The following TDRD3 variants were observed in gnomAD, a reference collection of about 807,000 sequenced individuals.
TDRD3 encodes tudor domain containing 3, also known as tudor domain-containing protein 3.
Under a neutral mutation model 86.7 loss-of-function variants are expected in TDRD3, and 45 were observed. The observed-to-expected ratio is 0.52, with a 90% CI of 0.41 to 0.67. TDRD3 has a LOEUF of 0.67. TDRD3 is among the 30% of genes least tolerant of loss of function. The probability of loss-of-function intolerance (pLI) is 0.00; values close to 1 mark genes in which losing one functional copy is unlikely to be tolerated. For synonymous variants in TDRD3, 298 were observed against 301.7 expected, an observed-to-expected ratio of 0.99 and a Z score of 0.13; for missense variants, 814 against 889.0, an observed-to-expected ratio of 0.92 and a Z score of 1.07.
At chr13:60,494,691 T>A (rs1956677936) in intron 8 of TDRD3, 116 bp downstream of exon 8, 1 of 845,330 alleles carries the variant, frequency 1.2e-6, no homozygotes, top group African/African-American at 1.7e-5. Flanking sequence ...ATGTTATAAC[T>A]CTTGAAGGCT....
At chr13:60,566,450 C>T (rs1958462024) in intron 12 of TDRD3, among the ~76,000 whole-genome samples, 1 of 151,860 alleles carries the variant, frequency 6.6e-6, no homozygotes, top group Non-Finnish European at 1.5e-5. Flanking sequence ...TTCTTATTTA[C>T]TTTTCTATGT....
chr13:60,481,523 T>C (rs1259717485), intron 5 of TDRD3, among the ~76,000 whole-genome samples: 2 of 152,042 alleles, frequency 1.3e-5, no homozygotes, highest in African/African-American at 4.8e-5. Flanking sequence ...TTCTGTCTTA[T>C]TTTATTTACT....
In TDRD3 at chr13:60,528,617, T is replaced by C. The variant is rs1455392518; in HGVS notation, c.1392T>C (p.Ala464=). 1.2e-6 allele frequency: 2 copies of C among 1,613,924 alleles called. No homozygotes were observed. The highest frequency in any genetic ancestry group is 1.7e-6 in the Non-Finnish European group (2 of 1,179,950). The change falls in exon 11 of 14, where the codon GCT becomes GCC. Residue 464 remains alanine, a synonymous_variant. Transcript: ENST00000377881. ...PSTSSVSEVW[A]EDRIKCDRPY... ...CTTCTTCAGTATCTGAAGTATGGGC[T>C]GAAGACAGAATCAAATGTGATAGAC...
chr13:60,471,327 A>G (rs915219813), intron 5 of TDRD3, among the ~76,000 whole-genome samples: 3 of 152,216 alleles, frequency 2.0e-5, no homozygotes, highest in African/African-American at 7.2e-5. Flanking sequence ...TGTCAGCCTT[A>G]TCAAAAATTA....
intron 12 of TDRD3, among the ~76,000 whole-genome samples, chr13:60,561,155 C>A (rs1958322776): frequency 6.6e-6 from 1 of 152,022 alleles, no homozygotes; most frequent in Non-Finnish European, 1.5e-5. Flanking sequence ...TAATAATTTT[C>A]TCATATGTTA....
At chr13:60,437,437 G>A (rs1955148312) in intron 1 of TDRD3, among the ~76,000 whole-genome samples, 1 of 151,734 alleles carries the variant, frequency 6.6e-6, no homozygotes, top group Non-Finnish European at 1.5e-5. Flanking sequence ...AAAATGGTGT[G>A]TTATAATGGA....
chr13:60,443,328 C>T lies in TDRD3; in HGVS notation c.127-1355C>T, dbSNP rs151244701. ...GTGAAAAGGCGTACAACGTGAGGTACGGTTTATATTTCTTTTAATTCTGTC... is the reference window on the plus strand; with the variant it reads ...GTGAAAAGGCGTACAACGTGAGGTATGGTTTATATTTCTTTTAATTCTGTC... On this transcript the variant is annotated intron_variant, in intron 2 of 13. Transcript: ENST00000377881. Among the ~76,000 whole-genome samples the T allele has an allele frequency of 1.1e-3, 160 of 151,966 alleles. 2 individuals are homozygous for T. In the East Asian group the frequency reaches 0.014, roughly 13 times the overall value.
chr13:60,569,594 C>A (rs550465708), intron 13 of TDRD3, among the ~76,000 whole-genome samples: 1 of 151,884 alleles, frequency 6.6e-6, no homozygotes, highest in Admixed American at 6.6e-5. Flanking sequence ...TATATGGAAC[C>A]ACAAAAGTCC....
intron 1 of TDRD3, among the ~76,000 whole-genome samples, chr13:60,409,398 A>G (rs1954306595): frequency 6.6e-6 from 1 of 152,192 alleles, no homozygotes; most frequent in Non-Finnish European, 1.5e-5. Flanking sequence ...GACAGCTTGC[A>G]CTGTGCACCT....
chr13:60,527,985 T>C (rs1388197630), intron 10 of TDRD3, among the ~76,000 whole-genome samples: 1 of 151,912 alleles, frequency 6.6e-6, no homozygotes, highest in African/African-American at 2.4e-5. Context: ...TCAGAAAGAG[T>C]TGATCAGGGT....
intron 10 of TDRD3, among the ~76,000 whole-genome samples, chr13:60,520,903 G>A (rs1957273009): frequency 6.6e-6 from 1 of 152,168 alleles, no homozygotes. Context: ...GGAGAAAGCA[G>A]TTTTATATAT....
intron 3 of TDRD3, among the ~76,000 whole-genome samples, chr13:60,449,659 C>G (rs1046646021): frequency 2.6e-5 from 4 of 151,934 alleles, no homozygotes; most frequent in African/African-American, 4.8e-5. Context: ...CTTACGTTTG[C>G]AAAAACCTAT....
chr13:60,441,875 C>A (rs1180579303), intron 2 of TDRD3, among the ~76,000 whole-genome samples: 2 of 152,116 alleles, frequency 1.3e-5, no homozygotes, highest in African/African-American at 4.8e-5. Context: ...TATTGGGCTG[C>A]CCGCAAAGGT....
chr13:60,426,892 C>T (rs767522023), intron 1 of TDRD3, among the ~76,000 whole-genome samples: 4 of 152,202 alleles, frequency 2.6e-5, no homozygotes, highest in Non-Finnish European at 5.9e-5. Flanking sequence ...TTGCCGACTA[C>T]GCGCATAGGC....
At chr13:60,557,972 G>C (rs191141871) in intron 12 of TDRD3, among the ~76,000 whole-genome samples, 1 of 151,876 alleles carries the variant, frequency 6.6e-6, no homozygotes, top group Admixed American at 6.6e-5. Flanking sequence ...ATAGGCACAC[G>C]CCACCACGCC....
intron 12 of TDRD3, among the ~76,000 whole-genome samples, chr13:60,558,065 C>T (rs1398006069): frequency 6.6e-6 from 1 of 152,106 alleles, no homozygotes; most frequent in Non-Finnish European, 1.5e-5. Flanking sequence ...TCATGATCTG[C>T]CCACCTCACC....
intron 12 of TDRD3, among the ~76,000 whole-genome samples, chr13:60,548,602 C>T (rs1458404289): frequency 6.6e-6 from 1 of 152,004 alleles, no homozygotes; most frequent in Non-Finnish European, 1.5e-5. Flanking sequence ...CACTTATGCT[C>T]AATATGGTTT....
chr13:60,475,086 T>C (rs940905856), intron 5 of TDRD3, among the ~76,000 whole-genome samples: 3 of 152,236 alleles, frequency 2.0e-5, no homozygotes, highest in South Asian at 4.1e-4. Flanking sequence ...CTTTTTTTTT[T>C]CTTCCTATTT....
chr13:60,440,445 G>A (rs1042039012), intron 2 of TDRD3, among the ~76,000 whole-genome samples: 3 of 152,066 alleles, frequency 2.0e-5, no homozygotes, highest in African/African-American at 7.2e-5. Context: ...CACGTTGGGA[G>A]GCCAAGGCAG....
Sources: allele counts gnomAD v4.1 joint callset (sites outside exome capture counted in the v4.1 genomes callset), GRCh38; gene constraint gnomAD v4.1.1; transcripts MANE v1.5; gene names NCBI Gene and HGNC (gene_info 2026-07-23, HGNC 2026-07-21).